SLC25A21: variants seen among roughly 807,000 people sequenced by gnomAD.
The protein encoded by SLC25A21 is solute carrier family 25 member 21, also known as mitochondrial 2-oxodicarboxylate carrier.
A neutral mutation model predicts 43.8 loss-of-function variants in SLC25A21; 47 were observed. That is an observed-to-expected ratio of 1.07 (90% CI 0.85 to 1.37). The LOEUF is 1.37. Ranked by LOEUF, SLC25A21 falls within the 40% of genes most tolerant of loss-of-function variation. SLC25A21 has a pLI of 0.00. For synonymous variants in SLC25A21, 131 were observed against 121.3 expected (o/e 1.08, Z -0.52); for missense variants, 352 against 350.2 (o/e 1.00, Z -0.04).
At position 37,146,856 on chromosome 14, in the gene SLC25A21, C is replaced by T. The variant is rs114641093; in HGVS notation, c.70+25425G>A. 5.6e-3 allele frequency among the ~76,000 whole-genome samples: 851 copies of T among 152,214 alleles called. 9 individuals carry two copies. The highest frequency in any genetic ancestry group is 0.02 in the African/African-American group (822 of 41,528). Reference sequence around the variant, plus strand: ...ATGTAAGAATACATAGATTCATATACGCCGCACAAAACATAAAAAATGCAG... The same window carrying T: ...ATGTAAGAATACATAGATTCATATATGCCGCACAAAACATAAAAAATGCAG... On this transcript the variant is annotated intron_variant, in intron 1 of 9. Transcript: ENST00000331299.
intron 3 of SLC25A21, among the ~76,000 whole-genome samples, chr14:36,753,960 A>AGAGAGAGAGAGAGAGAGAGAGAGAGAG (rs1491582315): frequency 1.4e-5 from 2 of 141,556 alleles, no homozygotes; most frequent in Non-Finnish European, 3.1e-5. Context: ...AGAGAGAGAG[A>AGAGAGAGAGAGAGAGAGAGAGAGAGAG]AAGAGAGAGA....
rs553331431 is a variant in SLC25A21 at position 37,052,366 on chromosome 14, C to T, written c.70+119915G>A. ...ACCAGCTGAAGAGTATTTAAAACTG[C>T]AGGCTCCTGGATGCACCCAGCTGGA... On this transcript the variant is annotated intron_variant, in intron 1 of 9. Transcript: ENST00000331299. Among the ~76,000 whole-genome samples the T allele has an allele frequency of 8.6e-4, 131 of 152,234 alleles. 1 individual carries two copies. The highest frequency in any genetic ancestry group is 2.9e-3 in the African/African-American group (122 of 41,550).
Position 36,929,075 on chromosome 14 carries a change from T to C in SLC25A21, c.71-54071A>G, listed in dbSNP as rs540757465. On this transcript the variant is annotated intron_variant, in intron 1 of 9. Coordinates refer to ENST00000331299, the MANE Select transcript of SLC25A21 (RefSeq NM_030631.4). ...AGGACTAGCTACATTAATATAATTATGTTTCATAGGAAGTTCAAAGAACTA... is the reference window on the plus strand; with the variant it reads ...AGGACTAGCTACATTAATATAATTACGTTTCATAGGAAGTTCAAAGAACTA... Among the ~76,000 whole-genome samples, 81 of 152,282 alleles carry C rather than the reference T, an allele frequency of 5.3e-4. 1 individual carries two copies. The highest frequency in any genetic ancestry group is 1.8e-3 in the African/African-American group (76 of 41,578).
intron 1 of SLC25A21, among the ~76,000 whole-genome samples, chr14:36,896,907 A>G (rs181412596): frequency 1.3e-3 from 194 of 152,284 alleles, no homozygotes; most frequent in African/African-American, 3.9e-3. Context: ...CCAAGAGATC[A>G]GCTGTTAGTC....
intron 1 of SLC25A21, among the ~76,000 whole-genome samples, chr14:37,055,064 G>C (rs992441543): frequency 6.6e-6 from 1 of 152,202 alleles, no homozygotes; most frequent in Non-Finnish European, 1.5e-5. Flanking sequence ...CCTTGTGACT[G>C]CAAGCGTCAA....
chr14:37,061,655 A>T (rs535480548), intron 1 of SLC25A21, among the ~76,000 whole-genome samples: 15 of 152,344 alleles, frequency 9.8e-5, no homozygotes, highest in African/African-American at 3.6e-4. Flanking sequence ...GAAACAAAAA[A>T]GGCAGATGCC....
chr14:36,858,519 C>T (rs901389999), intron 2 of SLC25A21, among the ~76,000 whole-genome samples: 1 of 152,090 alleles, frequency 6.6e-6, no homozygotes, highest in African/African-American at 2.4e-5. Context: ...TTCTGTCTAT[C>T]GTCTATGACC....
At chr14:37,103,476 A>G (rs1340729161) in intron 1 of SLC25A21, among the ~76,000 whole-genome samples, 1 of 152,200 alleles carries the variant, frequency 6.6e-6, no homozygotes, top group Non-Finnish European at 1.5e-5. Flanking sequence ...CTTTGTATAA[A>G]TGTTACTTCA....
chr14:36,745,866 C>T (rs1457757380), intron 3 of SLC25A21, among the ~76,000 whole-genome samples: 3 of 152,070 alleles, frequency 2.0e-5, no homozygotes, highest in African/African-American at 7.2e-5. Flanking sequence ...CTCAACATCA[C>T]TAATCATCAG....
At chr14:36,925,333 T>C (rs1382379181) in intron 1 of SLC25A21, among the ~76,000 whole-genome samples, 1 of 152,182 alleles carries the variant, frequency 6.6e-6, no homozygotes, top group East Asian at 1.9e-4. Context: ...ATATGCTGTC[T>C]AGGAGAAACC....
At chr14:36,911,436 A>G (rs1223493239) in intron 1 of SLC25A21, among the ~76,000 whole-genome samples, 1 of 152,078 alleles carries the variant, frequency 6.6e-6, no homozygotes, top group African/African-American at 2.4e-5. Flanking sequence ...CCAGCCAACA[A>G]TTGTATTCCT....
intron 7 of SLC25A21, among the ~76,000 whole-genome samples, chr14:36,700,966 G>A (rs1361982365): frequency 6.6e-6 from 1 of 152,188 alleles, no homozygotes; most frequent in African/African-American, 2.4e-5. Context: ...AACTGAACAA[G>A]GAGGCAGCTT....
At chr14:36,888,028 G>A (rs1435198753) in intron 1 of SLC25A21, among the ~76,000 whole-genome samples, 1 of 152,012 alleles carries the variant, frequency 6.6e-6, no homozygotes, top group Non-Finnish European at 1.5e-5. Context: ...GCTCAAAATT[G>A]GCCATGGTGG....
rs60328274 is a variant in SLC25A21, at chr14:37,095,784, G to GTA, written c.70+76495_70+76496dup. 0.019 allele frequency among the ~76,000 whole-genome samples: 2,697 copies of GTA among 140,320 alleles called. 194 individuals are homozygous for GTA. In the East Asian group the frequency reaches 0.27, roughly 14 times the overall value. 92.1% of individuals were successfully genotyped at this position (140,320 alleles called of 152,430 possible). A position where few individuals can be genotyped will look rare whatever the true frequency, so the allele number is the denominator to read the frequency against. On this transcript the variant is annotated intron_variant, in intron 1 of 9. Coordinates refer to ENST00000331299, the MANE Select transcript of SLC25A21 (RefSeq NM_030631.4). ...CCTGTCTTTAAAAAAATGTATATAT[G>GTA]TATATATATATTTATATACACACAC...
At chr14:37,085,486 TTC>T in intron 1 of SLC25A21, among the ~76,000 whole-genome samples, 1 of 152,198 alleles carries the variant, frequency 6.6e-6, no homozygotes, top group East Asian at 1.9e-4. Flanking sequence ...TGTGCATAAT[TTC>T]TGTTTTTCTC....
intron 1 of SLC25A21, among the ~76,000 whole-genome samples, chr14:36,982,768 G>A (rs1051733218): frequency 2.6e-5 from 4 of 152,040 alleles, no homozygotes; most frequent in South Asian, 2.1e-4. Context: ...AAGCCAAAAC[G>A]GCGACACTGC....
intron 6 of SLC25A21, 24 bp downstream of exon 6, chr14:36,725,546 A>G (rs922606874): frequency 2.4e-6 from 3 of 1,247,100 alleles, no homozygotes; most frequent in South Asian, 2.0e-5. Context: ...TGCCCCTAAC[A>G]ATAGAAAAAC....
Position 36,813,986 on chromosome 14 carries a change from T to C in SLC25A21, c.135A>G (p.Arg45=), listed in dbSNP as rs373096802. The C allele has an allele frequency of 1.2e-4, 193 of 1,603,248 alleles. 2 individuals carry two copies. The South Asian group carries it at 1.8e-3, about 15-fold the overall frequency. Reference sequence around the variant, plus strand: ...TATAACTGTTTGGATCGGTTGCACATCTCTGAATCTGAAACCTAGAAGCAA... The same window carrying C: ...TATAACTGTTTGGATCGGTTGCACACCTCTGAATCTGAAACCTAGAAGCAA... ...DVVKTRFQIQ[R]CATDPNSYKS... The change falls in exon 3 of 10, where the codon AGA becomes AGG. Residue 45 remains arginine, a synonymous_variant. Coordinates refer to ENST00000331299, the MANE Select transcript of SLC25A21 (RefSeq NM_030631.4).
At chr14:37,111,255 C>T (rs1963014310) in intron 1 of SLC25A21, among the ~76,000 whole-genome samples, 2 of 152,028 alleles carry the variant, frequency 1.3e-5, no homozygotes, top group South Asian at 4.1e-4. Context: ...AGCAAGAAAC[C>T]CACACTGTCA....
Sources: allele counts gnomAD v4.1 joint callset (sites outside exome capture counted in the v4.1 genomes callset), GRCh38; gene constraint gnomAD v4.1.1; transcripts MANE v1.5; gene names NCBI Gene and HGNC (gene_info 2026-07-23, HGNC 2026-07-21).